Variants in TRIM37 observed in about 807,000 individuals in gnomAD.
TRIM37 encodes E3 ubiquitin-protein ligase TRIM37.
In TRIM37, 80 loss-of-function variants were observed where a neutral mutation model predicts 129.8. The ratio of observed to expected loss-of-function variants is 0.62; its 90% CI spans 0.51 to 0.74. The LOEUF is 0.74. Among genes scored for constraint, TRIM37 ranks in the 30% least tolerant of loss-of-function variants. TRIM37 has a pLI of 0.00. For missense variants in TRIM37, 1,054 were observed against 1,176.5 expected (o/e 0.90, Z 1.52); for synonymous variants, 389 against 387.1 (o/e 1.00, Z -0.06).
chr17:59,042,449 A>AT (rs1302050122), intron 16 of TRIM37, among the ~76,000 whole-genome samples: 835 of 35,790 alleles, frequency 0.023, 5 homozygotes, highest in East Asian at 0.046. Flanking sequence ...AAAAAAAAAA[A>AT]ATATATATAT....
chr17:59,097,293 T>C (rs2044989324), intron 2 of TRIM37, among the ~76,000 whole-genome samples: 1 of 152,054 alleles, frequency 6.6e-6, no homozygotes, highest in South Asian at 2.1e-4. Flanking sequence ...CCAGCCAGAG[T>C]ACTTAGGCAA....
intron 19 of TRIM37, among the ~76,000 whole-genome samples, chr17:59,021,036 T>C (rs2036541460): frequency 6.6e-6 from 1 of 152,214 alleles, no homozygotes; most frequent in Non-Finnish European, 1.5e-5. Context: ...CCATGTTTAC[T>C]ACAGCATTAT....
At chr17:59,033,123 G>C (rs925764114) in intron 17 of TRIM37, among the ~76,000 whole-genome samples, 1 of 152,014 alleles carries the variant, frequency 6.6e-6, no homozygotes, top group Admixed American at 6.6e-5. Context: ...ATTTTAAAGA[G>C]ATAGAACATT....
At chr17:59,072,909 C>T (rs1250736610) in intron 8 of TRIM37, among the ~76,000 whole-genome samples, 1 of 152,094 alleles carries the variant, frequency 6.6e-6, no homozygotes, top group Non-Finnish European at 1.5e-5. Context: ...TTTTGTCATT[C>T]ATATTATTAT....
At position 59,001,651 on chromosome 17, in the gene TRIM37, C is replaced by A. The variant is rs779797079; in HGVS notation, c.2759G>T (p.Ser920Ile). The A allele has an allele frequency of 3.1e-6, 5 of 1,614,076 alleles. No individual in the cohort carries two copies. Among genetic ancestry groups the A allele is most frequent in the Non-Finnish European group, 4.2e-6 (5 of 1,180,006 alleles). The change falls in exon 23 of 24, where the codon AGT (serine) becomes ATT (isoleucine). Residue 920 changes from serine to isoleucine, a missense_variant. Ser to Ile is a moderately radical substitution (Grantham distance 142). Coordinates refer to ENST00000262294, the MANE Select transcript of TRIM37 (RefSeq NM_015294.6). ...GAAGGAGTCGTGAAACCCGCCCACA[C>A]TGGTATGCTCTTCCTGCTCCTCATT... ...TENEEQEEHT[S>I]VGGFHDSFMV...
chr17:59,057,017 T>A lies in TRIM37; in HGVS notation c.1057A>T (p.Asn353Tyr), dbSNP rs371764291. Residue 353 changes from asparagine (N) to tyrosine (Y), a missense_variant, in exon 13 of 24, where the codon AAT (asparagine) becomes TAT (tyrosine). Physicochemically the swap from Asn to Tyr is moderately radical, Grantham distance 143. Around this residue, in one of 3 missense-constraint regions of TRIM37, gnomAD observed 752 missense variants for 870.8 expected, o/e 0.86. Coordinates refer to ENST00000262294, the MANE Select transcript of TRIM37 (RefSeq NM_015294.6). ...CGAATGATATTTTTTGTAGGATCAT[T>A]ACAGGACTGGTGAACCATCTCTACA... ...YRVEMVHQSC[N>Y]DPTKNIIREF... 1.9e-6 allele frequency: 3 copies of A among 1,613,740 alleles called. No individual in the cohort carries two copies. The highest frequency in any genetic ancestry group is 1.3e-5 in the African/African-American group (1 of 74,876).
At chr17:59,027,114 T>C (rs2037330126) in intron 19 of TRIM37, among the ~76,000 whole-genome samples, 2 of 152,208 alleles carry the variant, frequency 1.3e-5, no homozygotes, top group Non-Finnish European at 2.9e-5. Context: ...ATATCCAGCA[T>C]TGACCTCTCT....
At chr17:59,068,841 G>A (rs984943520) in intron 9 of TRIM37, among the ~76,000 whole-genome samples, 1 of 152,168 alleles carries the variant, frequency 6.6e-6, no homozygotes, top group Non-Finnish European at 1.5e-5. Context: ...GTGATTCTCA[G>A]TCAGGGGTGA....
downstream of TRIM37, among the ~76,000 whole-genome samples, chr17:58,997,873 G>A (rs1255523407): frequency 2.6e-5 from 4 of 152,108 alleles, no homozygotes; most frequent in African/African-American, 9.7e-5. Flanking sequence ...ACTACATCAA[G>A]GAAGAGGGAA....
downstream of TRIM37, among the ~76,000 whole-genome samples, chr17:58,978,946 C>T (rs1027927917): frequency 6.6e-6 from 1 of 152,104 alleles, no homozygotes; most frequent in Non-Finnish European, 1.5e-5. Flanking sequence ...TCGCTCCTAC[C>T]CCAAGCACCC....
intron 24 of TRIM37, among the ~76,000 whole-genome samples, chr17:58,986,364 C>T (rs976083916): frequency 6.6e-6 from 1 of 151,470 alleles, no homozygotes; most frequent in Non-Finnish European, 1.5e-5. Flanking sequence ...ACACCCAGCT[C>T]ATTTTATTAT....
intron 17 of TRIM37, among the ~76,000 whole-genome samples, chr17:59,039,318 G>A (rs1477698099): frequency 2.0e-5 from 3 of 151,058 alleles, no homozygotes; most frequent in Admixed American, 6.6e-5. Flanking sequence ...TTTGCCAGAG[G>A]CCACACTTCC....
At chr17:59,066,516 G>T (rs1043244319) in intron 9 of TRIM37, among the ~76,000 whole-genome samples, 1 of 152,170 alleles carries the variant, frequency 6.6e-6, no homozygotes, top group African/African-American at 2.4e-5. Context: ...AACAACAAGA[G>T]ATGCCATTTT....
intron 2 of TRIM37, among the ~76,000 whole-genome samples, chr17:59,102,400 T>C (rs2045595267): frequency 6.6e-6 from 1 of 152,226 alleles, no homozygotes; most frequent in African/African-American, 2.4e-5. Context: ...TTCTACCACT[T>C]AATTAACTAT....
chr17:58,998,086 G>T, downstream of TRIM37: 3 of 449,660 alleles, frequency 6.7e-6, no homozygotes, highest in Non-Finnish European at 8.8e-6. Context: ...ATCACTCCTC[G>T]CCATTAGACT....
intron 8 of TRIM37, 140 bp downstream of exon 8, chr17:59,075,507 T>C (rs534351534): frequency 3.4e-6 from 2 of 591,914 alleles, no homozygotes; most frequent in East Asian, 6.2e-5. Flanking sequence ...GAGTTTACAG[T>C]GAGCCGAGAT....
chr17:59,075,726 T>C lies in TRIM37; in HGVS notation c.617-12A>G, dbSNP rs1361966971. ...AGATGTCTTCTGACCTGATGAAAAA[T>C]AGTGAATCATCAACACTTGGGTTCA... On this transcript the variant is annotated splice_polypyrimidine_tract_variant and intron_variant, in intron 7 of 23. Coordinates refer to ENST00000262294, the MANE Select transcript of TRIM37 (RefSeq NM_015294.6). 6 of 1,593,358 alleles carry C rather than the reference T, an allele frequency of 3.8e-6. No homozygotes were observed. The highest frequency in any genetic ancestry group is 2.7e-5 in the African/African-American group (2 of 74,576).
intron 23 of TRIM37, among the ~76,000 whole-genome samples, chr17:59,001,199 CAA>C (rs537326649): frequency 7.0e-4 from 40 of 57,446 alleles, no homozygotes; most frequent in Non-Finnish European, 8.3e-4. Context: ...CATCTCGGGG[CAA>C]AAAAAAAAAA....
At chr17:59,035,066 C>T (rs1599037547) in intron 17 of TRIM37, among the ~76,000 whole-genome samples, 1 of 151,832 alleles carries the variant, frequency 6.6e-6, no homozygotes, top group South Asian at 2.1e-4. Context: ...AAATATTTTT[C>T]TTTTTTTCTT....
Sources: gnomAD v4.1 joint callset for allele counts (sites outside exome capture counted in the v4.1 genomes callset) on GRCh38, gnomAD v4.1.1 for gene constraint, gnomAD v4.1.1 regional missense constraint, MANE v1.5 for transcripts, NCBI Gene and HGNC (gene_info 2026-07-23, HGNC 2026-07-21) for gene names.